The following ZNRF1 variants were observed in gnomAD, a reference collection of about 807,000 sequenced individuals.
ZNRF1 encodes E3 ubiquitin-protein ligase ZNRF1.
ZNRF1 carries 3 observed loss-of-function variants against 18.4 expected under a neutral mutation model. That is an observed-to-expected ratio of 0.16 (90% CI 0.07 to 0.42). The LOEUF (loss-of-function observed/expected upper bound fraction) is 0.42. Ranked by LOEUF, ZNRF1 falls within the 10% of genes least tolerant of loss-of-function variation. The pLI is 0.99. For synonymous variants in ZNRF1, 157 were observed against 144.2 expected, an observed-to-expected ratio of 1.09 and a Z score of -0.64; for missense variants, 310 against 329.8, an observed-to-expected ratio of 0.94 and a Z score of 0.47.
At chr16:75,031,476 T>A (rs1206202506) in intron 1 of ZNRF1, among the ~76,000 whole-genome samples, 3 of 151,796 alleles carry the variant, frequency 2.0e-5, no homozygotes, top group Admixed American at 6.6e-5. Flanking sequence ...TAAAAAAAAA[T>A]TTTTTTTCTA....
intron 1 of ZNRF1, among the ~76,000 whole-genome samples, chr16:75,001,031 G>C (rs764170438): frequency 5.3e-5 from 8 of 152,210 alleles, no homozygotes; most frequent in Non-Finnish European, 8.8e-5. Flanking sequence ...GAGGAAAACA[G>C]GTCTGTCTGC....
chr16:75,039,758 C>A (rs186186037), intron 1 of ZNRF1, among the ~76,000 whole-genome samples: 9 of 152,276 alleles, frequency 5.9e-5, no homozygotes, highest in Admixed American at 3.9e-4. Flanking sequence ...GTGATTCTTA[C>A]GTGTGCTGTT....
At chr16:75,054,932 C>G (rs1046505429) in intron 1 of ZNRF1, among the ~76,000 whole-genome samples, 1 of 152,224 alleles carries the variant, frequency 6.6e-6, no homozygotes, top group Admixed American at 6.5e-5. Context: ...TTGGTCTTTT[C>G]TCCTGTCTAG....
chr16:75,065,504 G>A (rs548704465), intron 1 of ZNRF1, among the ~76,000 whole-genome samples: 8 of 152,186 alleles, frequency 5.3e-5, no homozygotes, highest in Admixed American at 1.3e-4. Flanking sequence ...GGTGTGGGGC[G>A]ACTTGTTTTT....
At chr16:75,036,131 A>G (rs2035373209) in intron 1 of ZNRF1, among the ~76,000 whole-genome samples, 1 of 152,020 alleles carries the variant, frequency 6.6e-6, no homozygotes, top group African/African-American at 2.4e-5. Flanking sequence ...TACCTCCTAT[A>G]ACAATCTCAG....
At chr16:75,053,996 C>G (rs1337122624) in intron 1 of ZNRF1, among the ~76,000 whole-genome samples, 1 of 152,202 alleles carries the variant, frequency 6.6e-6, no homozygotes, top group African/African-American at 2.4e-5. Flanking sequence ...TTCGTATGAA[C>G]TATGTGTCTT....
chr16:75,082,111 A>G (rs2036019474), intron 1 of ZNRF1, among the ~76,000 whole-genome samples: 1 of 152,024 alleles, frequency 6.6e-6, no homozygotes. Flanking sequence ...TGAACTCCTG[A>G]CTTAAAGCAA....
chr16:75,108,079 G>A lies in ZNRF1; in HGVS notation c.*379G>A. The A allele has an allele frequency of 3.5e-6, 1 of 285,408 alleles. No individual in the cohort carries two copies. The highest frequency in any genetic ancestry group is 2.9e-5 in the South Asian group (1 of 34,248). 17.7% of individuals were successfully genotyped at this position (285,408 alleles called of 1,614,324 possible). The stretch of plus-strand genomic sequence containing the variant: ...TCGTGATGTTTACAGCTTGCTGTTT[G>A]CTGCCCAGCCATAACCCACTCAGTG... On this transcript the variant is annotated 3_prime_UTR_variant, in exon 5 of 5. Transcript: ENST00000335325.
At chr16:75,025,533 A>G (rs948774888) in intron 1 of ZNRF1, among the ~76,000 whole-genome samples, 1 of 152,104 alleles carries the variant, frequency 6.6e-6, no homozygotes, top group Non-Finnish European at 1.5e-5. Flanking sequence ...TTTGGCCACA[A>G]TTTCTCTATG....
intron 1 of ZNRF1, among the ~76,000 whole-genome samples, chr16:75,085,133 C>T (rs897315661): frequency 6.6e-6 from 1 of 152,138 alleles, no homozygotes; most frequent in Non-Finnish European, 1.5e-5. Flanking sequence ...CCCAAACCCT[C>T]CTCATGATAT....
At chr16:75,084,816 A>G (rs1597902568) in intron 1 of ZNRF1, among the ~76,000 whole-genome samples, 2 of 151,280 alleles carry the variant, frequency 1.3e-5, no homozygotes, top group Admixed American at 6.6e-5. Flanking sequence ...ACACCCACCC[A>G]CTCTACTTGG....
intron 1 of ZNRF1, among the ~76,000 whole-genome samples, chr16:75,020,822 G>A (rs760216232): frequency 3.3e-5 from 5 of 152,150 alleles, no homozygotes; most frequent in Non-Finnish European, 2.9e-5. Flanking sequence ...GATTACAGGC[G>A]TGAGCCACCG....
At chr16:75,025,070 A>T (rs1047475570) in intron 1 of ZNRF1, among the ~76,000 whole-genome samples, 7 of 151,776 alleles carry the variant, frequency 4.6e-5, no homozygotes, top group African/African-American at 1.2e-4. Context: ...TTAATTAATT[A>T]ATTAATTTAT....
In ZNRF1 at chr16:75,059,245, C is replaced by CT. The variant is rs59289376; in HGVS notation, c.425-34310dup. Among the ~76,000 whole-genome samples the CT allele has an allele frequency of 7.7e-3, 518 of 67,008 alleles. 5 individuals carry two copies. Among genetic ancestry groups the CT allele is most frequent in the African/African-American group, 0.02 (394 of 19,374 alleles). 44.0% of individuals were successfully genotyped at this position (67,008 alleles called of 152,430 possible). On this transcript the variant is annotated intron_variant, in intron 1 of 4. Transcript: ENST00000335325. Reference sequence around the variant, plus strand: ...TCTTTCTTTCTTTTTTTTTTTTTTTCTTTTTTTTTTTTTTTTTGTGGAGAA... The same window carrying CT: ...TCTTTCTTTCTTTTTTTTTTTTTTTCTTTTTTTTTTTTTTTTTTGTGGAGAA...
At chr16:75,046,429 T>G (rs536737211) in intron 1 of ZNRF1, among the ~76,000 whole-genome samples, 228 of 150,838 alleles carry the variant, frequency 1.5e-3, no homozygotes, top group Admixed American at 2.9e-3. Context: ...GTTTTGTATT[T>G]TTAGTGGAGA....
In ZNRF1 at chr16:74,999,868, G is replaced by C. The variant is rs1033906243; in HGVS notation, c.197G>C (p.Gly66Ala). ...GMGMDPSTAG[G>A]VPFGLYTPAS... ...GGCATGGACCCCAGCACGGCCGGGG[G>C]GGTGCCCTTTGGCCTCTACACCCCC... Residue 66 changes from glycine (G) to alanine (A), a missense_variant, in exon 1 of 5, where the codon GGG becomes GCG. By Grantham distance (60) the Gly-to-Ala change is moderately conservative. This residue lies in a region of ZNRF1 where 293 missense variants were observed against 291.2 expected (regional missense o/e 1.01). Transcript: ENST00000335325. The C allele has an allele frequency of 1.3e-6, 2 of 1,524,570 alleles. No homozygotes were observed. The highest frequency in any genetic ancestry group is 2.4e-5 in the South Asian group (2 of 82,168). 94.4% of individuals were successfully genotyped at this position (1,524,570 alleles called of 1,614,324 possible). A position where few individuals can be genotyped will look rare whatever the true frequency, so the allele number is the denominator to read the frequency against.
intron 1 of ZNRF1, among the ~76,000 whole-genome samples, chr16:75,082,243 G>T (rs1212384482): frequency 2.0e-5 from 3 of 152,092 alleles, no homozygotes; most frequent in African/African-American, 7.2e-5. Flanking sequence ...CCCGGTCCCT[G>T]CTTCCCCGTC....
intron 3 of ZNRF1, chr16:75,105,912 G>A: frequency 6.5e-6 from 1 of 152,784 alleles, no homozygotes; most frequent in Non-Finnish European, 1.5e-5. Flanking sequence ...CCCGCCTCTT[G>A]CAGGAAGGAC....
chr16:75,011,183 T>G (rs2034995281), intron 1 of ZNRF1, among the ~76,000 whole-genome samples: 2 of 152,204 alleles, frequency 1.3e-5, no homozygotes, highest in Admixed American at 1.3e-4. Flanking sequence ...GAGAGAGCCA[T>G]TAAGATTCTT....
Sources: gnomAD v4.1 joint callset for allele counts (sites outside exome capture counted in the v4.1 genomes callset) on GRCh38, gnomAD v4.1.1 for gene constraint, gnomAD v4.1.1 regional missense constraint, MANE v1.5 for transcripts, NCBI Gene and HGNC (gene_info 2026-07-23, HGNC 2026-07-21) for gene names.